The following ATG10 variants were observed in gnomAD, a reference collection of about 807,000 sequenced individuals.
ATG10 encodes the protein ubiquitin-like-conjugating enzyme ATG10.
In ATG10, 30 loss-of-function variants were observed where a neutral mutation model predicts 32.1. The ratio of observed to expected loss-of-function variants is 0.94; its 90% CI spans 0.70 to 1.27. The LOEUF (loss-of-function observed/expected upper bound fraction) is 1.27. ATG10 is among the 50% of genes most tolerant of loss of function. The pLI is 0.00. For missense variants in ATG10, 233 were observed against 262.3 expected, an observed-to-expected ratio of 0.89 and a Z score of 0.77; for synonymous variants, 87 against 91.5, an observed-to-expected ratio of 0.95 and a Z score of 0.28.
At chr5:82,038,445 A>G (rs1312797872) in intron 2 of ATG10, among the ~76,000 whole-genome samples, 2 of 152,226 alleles carry the variant, frequency 1.3e-5, no homozygotes, top group Non-Finnish European at 2.9e-5. Flanking sequence ...CCAGAATGGC[A>G]GGGTCACAGT....
chr5:82,153,885 C>G (rs908737102), intron 3 of ATG10, among the ~76,000 whole-genome samples: 1 of 149,486 alleles, frequency 6.7e-6, no homozygotes, highest in Non-Finnish European at 1.5e-5. Context: ...CTAGAGCAGA[C>G]GATGGCAACT....
chr5:82,025,881 C>A (rs1333461863), intron 2 of ATG10, among the ~76,000 whole-genome samples: 2 of 152,154 alleles, frequency 1.3e-5, no homozygotes, highest in Non-Finnish European at 2.9e-5. Flanking sequence ...ATAAACTTGT[C>A]ATCATCAGTA....
At chr5:82,066,295 A>T (rs1415466634) in intron 3 of ATG10, among the ~76,000 whole-genome samples, 2 of 152,090 alleles carry the variant, frequency 1.3e-5, no homozygotes, top group Non-Finnish European at 2.9e-5. Flanking sequence ...TAATTTTTAT[A>T]TTATTGAAGT....
intron 2 of ATG10, among the ~76,000 whole-genome samples, chr5:82,017,703 A>T (rs184490129): frequency 2.0e-5 from 3 of 152,298 alleles, no homozygotes; most frequent in Admixed American, 2.0e-4. Flanking sequence ...GGAATGATCC[A>T]TTGGGTCCAA....
At chr5:82,138,467 T>C (rs1283210545) in intron 3 of ATG10, among the ~76,000 whole-genome samples, 1 of 152,174 alleles carries the variant, frequency 6.6e-6, no homozygotes, top group Non-Finnish European at 1.5e-5. Flanking sequence ...ATGGCTTTCC[T>C]TGGCTAGGGG....
At chr5:82,046,738 C>T (rs1040462697) in intron 2 of ATG10, among the ~76,000 whole-genome samples, 1 of 152,170 alleles carries the variant, frequency 6.6e-6, no homozygotes, top group Non-Finnish European at 1.5e-5. Flanking sequence ...TACTGCTTTG[C>T]AAGGATAGTG....
At chr5:82,245,587 G>A (rs1325897696) in intron 5 of ATG10, among the ~76,000 whole-genome samples, 2 of 152,048 alleles carry the variant, frequency 1.3e-5, no homozygotes, top group Non-Finnish European at 2.9e-5. Flanking sequence ...CTTGATTTAG[G>A]CTTAAATCAA....
intron 2 of ATG10, among the ~76,000 whole-genome samples, chr5:82,001,430 T>C (rs1761846143): frequency 6.6e-6 from 1 of 152,156 alleles, no homozygotes; most frequent in Admixed American, 6.5e-5. Context: ...CAAAATAGCA[T>C]GGTACTGGTA....
chr5:82,100,912 C>A (rs1345263600), intron 3 of ATG10, among the ~76,000 whole-genome samples: 1 of 150,976 alleles, frequency 6.6e-6, no homozygotes, highest in Admixed American at 6.6e-5. Flanking sequence ...GTTCTTTGAA[C>A]TGGTCAGATT....
chr5:82,164,255 A>G, intron 3 of ATG10, 144 bp from the exon 4 acceptor site: 1 of 758,918 alleles, frequency 1.3e-6, no homozygotes, highest in East Asian at 2.7e-5. Flanking sequence ...AAACATTAAT[A>G]TGGGAAACTC....
chr5:82,198,450 A>T (rs1046412223), intron 5 of ATG10, among the ~76,000 whole-genome samples: 4 of 152,012 alleles, frequency 2.6e-5, no homozygotes, highest in Admixed American at 6.6e-5. Flanking sequence ...TTTAATAGAG[A>T]GATGGGGTTT....
At chr5:82,112,300 A>G (rs1008018713) in intron 3 of ATG10, among the ~76,000 whole-genome samples, 4 of 151,924 alleles carry the variant, frequency 2.6e-5, no homozygotes, top group Non-Finnish European at 4.4e-5. Context: ...AATAATTTGA[A>G]TTTTTAAAAA....
chr5:82,237,442 G>C (rs1284638199), intron 5 of ATG10, among the ~76,000 whole-genome samples: 2 of 151,994 alleles, frequency 1.3e-5, no homozygotes, highest in African/African-American at 4.8e-5. Context: ...TCAGGAGTTC[G>C]AGACCAGCCT....
intron 5 of ATG10, among the ~76,000 whole-genome samples, chr5:82,221,435 A>G (rs1052226400): frequency 6.6e-6 from 1 of 152,194 alleles, no homozygotes; most frequent in Non-Finnish European, 1.5e-5. Flanking sequence ...GAAAAACACT[A>G]TGTACACTTT....
intron 7 of ATG10, 39 bp downstream of exon 7, chr5:82,253,468 A>C (rs1297529133): frequency 2.3e-6 from 3 of 1,324,224 alleles, no homozygotes; most frequent in Non-Finnish European, 3.3e-6. Flanking sequence ...TGCCGTTACA[A>C]AGATCAATGT....
chr5:82,247,459 T>C (rs889153137), intron 5 of ATG10, among the ~76,000 whole-genome samples: 1 of 152,218 alleles, frequency 6.6e-6, no homozygotes, highest in African/African-American at 2.4e-5. Context: ...ATTGTACTTT[T>C]CAACTCTAGA....
chr5:81,974,607 C>T (rs986787310), intron 1 of ATG10, among the ~76,000 whole-genome samples: 1 of 151,960 alleles, frequency 6.6e-6, no homozygotes, highest in Non-Finnish European at 1.5e-5. Flanking sequence ...TTTTTGGTTT[C>T]TTCTTTTGGT....
chr5:82,117,436 A>G (rs565518152), intron 3 of ATG10, among the ~76,000 whole-genome samples: 74 of 152,166 alleles, frequency 4.9e-4, no homozygotes, highest in Admixed American at 4.7e-3. Context: ...TTGTGATTCC[A>G]TTTCCTTGTT....
chr5:81,973,856 T>A (rs1404373673), intron 1 of ATG10, among the ~76,000 whole-genome samples: 1 of 152,244 alleles, frequency 6.6e-6, no homozygotes, highest in African/African-American at 2.4e-5. Context: ...TATTTTAAAT[T>A]GAAGAAATTA....
Sources: gnomAD v4.1 joint callset for allele counts (sites outside exome capture counted in the v4.1 genomes callset) on GRCh38, gnomAD v4.1.1 for gene constraint, MANE v1.5 for transcripts, NCBI Gene and HGNC (gene_info 2026-07-23, HGNC 2026-07-21) for gene names.